Variants in HS3ST5 observed in about 807,000 individuals in gnomAD.
The protein encoded by HS3ST5 is heparan sulfate glucosamine 3-O-sulfotransferase 5.
HS3ST5 carries 10 observed loss-of-function variants against 25.4 expected under a neutral mutation model. The ratio of observed to expected loss-of-function variants is 0.39; its 90% CI spans 0.24 to 0.67. The LOEUF (loss-of-function observed/expected upper bound fraction) is 0.67. HS3ST5 is among the 30% of genes least tolerant of loss of function. HS3ST5 has a pLI of 0.44. For missense variants in HS3ST5, 324 were observed against 420.7 expected, an observed-to-expected ratio of 0.77 and a Z score of 2.01; for synonymous variants, 170 against 162.4, an observed-to-expected ratio of 1.05 and a Z score of -0.36.
intron 1 of HS3ST5, among the ~76,000 whole-genome samples, chr6:114,246,957 C>T (rs180925653): frequency 2.6e-5 from 4 of 152,274 alleles, no homozygotes; most frequent in Admixed American, 2.6e-4. Flanking sequence ...CTCCTGGTTT[C>T]ATTTATTACG....
At chr6:114,104,449 AG>A (rs1315439524) in intron 3 of HS3ST5, among the ~76,000 whole-genome samples, 2 of 152,182 alleles carry the variant, frequency 1.3e-5, no homozygotes, top group Non-Finnish European at 2.9e-5. Context: ...AAATATGCTC[AG>A]CTTTGAGGTT....
Position 114,185,319 on chromosome 6 carries a change from C to T in HS3ST5, c.-144-16857G>A, listed in dbSNP as rs145868386. Reference sequence around the variant, plus strand: ...GAGCCCTCATGAATAGAATTAGTACCCTCATAAAAATTCCCCCAGAGAGCT... The same window carrying T: ...GAGCCCTCATGAATAGAATTAGTACTCTCATAAAAATTCCCCCAGAGAGCT... On this transcript the variant is annotated intron_variant, in intron 2 of 4. Transcript: ENST00000312719. Among the ~76,000 whole-genome samples, 176 of 152,110 alleles carry T rather than the reference C, an allele frequency of 1.2e-3. 2 individuals carry two copies. Among genetic ancestry groups the T allele is most frequent in the African/African-American group, 4.0e-3 (164 of 41,486 alleles).
chr6:114,183,448 TTTCTTTTGTAA>T (rs1780060205), intron 2 of HS3ST5, among the ~76,000 whole-genome samples: 1 of 152,242 alleles, frequency 6.6e-6, no homozygotes, highest in South Asian at 2.1e-4. Flanking sequence ...ATTAAACCTC[TTTCTTTTGTAA>T]ATTGCCCAGT....
intron 1 of HS3ST5, among the ~76,000 whole-genome samples, chr6:114,281,357 C>A (rs1015188417): frequency 6.6e-6 from 1 of 152,062 alleles, no homozygotes; most frequent in African/African-American, 2.4e-5. Context: ...GTATAACACA[C>A]TTTTGTCCTG....
At chr6:114,234,422 T>G (rs576588094) in intron 1 of HS3ST5, among the ~76,000 whole-genome samples, 2 of 151,932 alleles carry the variant, frequency 1.3e-5, no homozygotes, top group South Asian at 4.1e-4. Context: ...GTGAGCTATT[T>G]TACACTTTTC....
At chr6:114,229,220 G>A (rs1309727439) in intron 1 of HS3ST5, among the ~76,000 whole-genome samples, 1 of 152,156 alleles carries the variant, frequency 6.6e-6, no homozygotes, top group Non-Finnish European at 1.5e-5. Context: ...CACATGGGTA[G>A]TACTTGCCAA....
intron 1 of HS3ST5, among the ~76,000 whole-genome samples, chr6:114,274,123 G>A (rs953382225): frequency 2.6e-5 from 4 of 151,946 alleles, no homozygotes; most frequent in African/African-American, 9.7e-5. Flanking sequence ...AGCATGGGTG[G>A]TTCACCCAGA....
intron 3 of HS3ST5, among the ~76,000 whole-genome samples, chr6:114,141,018 A>G (rs1283680523): frequency 1.3e-5 from 2 of 152,220 alleles, no homozygotes; most frequent in Non-Finnish European, 2.9e-5. Flanking sequence ...AGTAACTATT[A>G]TTTTTATTCA....
intron 2 of HS3ST5, among the ~76,000 whole-genome samples, chr6:114,224,720 A>ACC (rs1782209355): frequency 6.6e-6 from 1 of 150,750 alleles, no homozygotes; most frequent in African/African-American, 2.4e-5. Context: ...ACACACACAC[A>ACC]CCGACTTCTT....
At chr6:114,197,992 G>A (rs1780841448) in intron 2 of HS3ST5, among the ~76,000 whole-genome samples, 1 of 152,068 alleles carries the variant, frequency 6.6e-6, no homozygotes, top group Non-Finnish European at 1.5e-5. Context: ...GGATGGCAAG[G>A]AAGCTCAAGG....
intron 3 of HS3ST5, among the ~76,000 whole-genome samples, chr6:114,127,839 A>AATATAT (rs375936050): frequency 1.3e-4 from 20 of 149,168 alleles, no homozygotes; most frequent in African/African-American, 4.7e-4. Flanking sequence ...AAAAAGGACA[A>AATATAT]ATATATATAT....
At chr6:114,201,608 TC>T (rs1719624371) in intron 2 of HS3ST5, among the ~76,000 whole-genome samples, 2 of 152,206 alleles carry the variant, frequency 1.3e-5, no homozygotes, top group African/African-American at 4.8e-5. Flanking sequence ...GCTGCATTCC[TC>T]ACGTTCTTCA....
chr6:114,287,287 C>T (rs1245278095), intron 1 of HS3ST5, among the ~76,000 whole-genome samples: 2 of 151,886 alleles, frequency 1.3e-5, no homozygotes, highest in East Asian at 3.9e-4. Flanking sequence ...CATTAGTTTA[C>T]AAACCCTATC....
chr6:114,328,895 T>C (rs1363010311), intron 1 of HS3ST5, among the ~76,000 whole-genome samples: 2 of 152,212 alleles, frequency 1.3e-5, no homozygotes, highest in East Asian at 1.9e-4. Context: ...AGTACCTTTA[T>C]TGTGATGATG....
chr6:114,080,866 C>T (rs146320743), intron 3 of HS3ST5, among the ~76,000 whole-genome samples: 1 of 149,588 alleles, frequency 6.7e-6, no homozygotes, highest in African/African-American at 2.4e-5. Context: ...CCATTTGTAC[C>T]CTAGACCTCA....
At position 114,237,126 on chromosome 6, in the gene HS3ST5, T is replaced by C. The variant is rs569827421; in HGVS notation, c.-338-8348A>G. ...ACTCTTTACAACAATCAAAGACTAATGTATTTTTGATGAAAGGCAAGGAGG... is the reference window on the plus strand; with the variant it reads ...ACTCTTTACAACAATCAAAGACTAACGTATTTTTGATGAAAGGCAAGGAGG... On this transcript the variant is annotated intron_variant, in intron 1 of 4. Transcript: ENST00000312719. Among the ~76,000 whole-genome samples the C allele has an allele frequency of 1.6e-4, 24 of 152,332 alleles. 1 individual carries two copies. In the South Asian group the frequency reaches 4.8e-3, roughly 30 times the overall value.
intron 1 of HS3ST5, among the ~76,000 whole-genome samples, chr6:114,257,913 T>A (rs570184537): frequency 6.2e-4 from 94 of 152,040 alleles, no homozygotes; most frequent in African/African-American, 2.2e-3. Context: ...ACTTATTGAT[T>A]GATAGATAGA....
At chr6:114,174,148 T>C (rs1357761658) in intron 2 of HS3ST5, among the ~76,000 whole-genome samples, 1 of 152,038 alleles carries the variant, frequency 6.6e-6, no homozygotes, top group Non-Finnish European at 1.5e-5. Flanking sequence ...ATGCCTTGAA[T>C]ACTCTGGGCT....
At chr6:114,254,917 T>G (rs909848691) in intron 1 of HS3ST5, among the ~76,000 whole-genome samples, 1 of 152,114 alleles carries the variant, frequency 6.6e-6, no homozygotes, top group Non-Finnish European at 1.5e-5. Context: ...CCAAACCATA[T>G]TATTCCACCT....
Sources: gnomAD v4.1 joint callset for allele counts (sites outside exome capture counted in the v4.1 genomes callset) on GRCh38, gnomAD v4.1.1 for gene constraint, MANE v1.5 for transcripts, NCBI Gene and HGNC (gene_info 2026-07-23, HGNC 2026-07-21) for gene names.